PDHX: variants seen among roughly 807,000 people sequenced by gnomAD.
PDHX encodes pyruvate dehydrogenase complex component X.
PDHX carries 33 observed loss-of-function variants against 55.3 expected under a neutral mutation model. The ratio of observed to expected loss-of-function variants is 0.60; its 90% CI spans 0.45 to 0.80. The LOEUF is 0.80. PDHX is among the 30% of genes least tolerant of loss of function. The pLI is 0.00. For missense variants in PDHX, 622 were observed against 619.9 expected, an observed-to-expected ratio of 1.00 and a Z score of -0.04; for synonymous variants, 226 against 219.4, an observed-to-expected ratio of 1.03 and a Z score of -0.27.
At chr11:34,951,306 G>T (rs1427797437) in intron 3 of PDHX, among the ~76,000 whole-genome samples, 1 of 150,826 alleles carries the variant, frequency 6.6e-6, no homozygotes, top group African/African-American at 2.5e-5. Context: ...TGATCCACCC[G>T]CCTCGGCCTC....
At chr11:34,987,609 G>A (rs1315967640) in intron 9 of PDHX, among the ~76,000 whole-genome samples, 1 of 151,998 alleles carries the variant, frequency 6.6e-6, no homozygotes, top group Non-Finnish European at 1.5e-5. Context: ...TTAAATGTTG[G>A]ATTGTTTAAA....
At chr11:34,973,222 C>T (rs1049698237) in intron 7 of PDHX, among the ~76,000 whole-genome samples, 1 of 152,188 alleles carries the variant, frequency 6.6e-6, no homozygotes, top group Non-Finnish European at 1.5e-5. Flanking sequence ...CTCAAGCCTT[C>T]TTTATCACAT....
chr11:34,967,108 T>C (rs1855154410), intron 6 of PDHX, among the ~76,000 whole-genome samples: 1 of 152,102 alleles, frequency 6.6e-6, no homozygotes, highest in South Asian at 2.1e-4. Flanking sequence ...CGCCTTGGCC[T>C]CCCAAAGTGC....
At chr11:34,915,944 G>A (rs1241903880), upstream of PDHX, 2 of 531,864 alleles carry the variant, frequency 3.8e-6, no homozygotes, top group East Asian at 6.7e-5. Flanking sequence ...ACCCGGTGAG[G>A]TCACCTAAAC....
In PDHX at chr11:34,931,404, G is replaced by A. The variant is rs771011394; in HGVS notation, c.161G>A (p.Gly54Asp). Residue 54 changes from glycine to aspartate, a missense_variant and splice_region_variant, in exon 2 of 11, where the codon GGT becomes GAT. By Grantham distance (94) the Gly-to-Asp change is moderately conservative (BLOSUM62 -1). Transcript: ENST00000227868. ...RWFHSTQWLRGDPIKILMPSL... is the reference protein window; with the variant it reads ...RWFHSTQWLRDDPIKILMPSL... The stretch of plus-strand genomic sequence containing the variant: ...CATCTTTCCTTTTTTTCAATTTCAG[G>A]TGATCCCATTAAGATACTAATGCCA... The A allele has an allele frequency of 1.3e-6, 2 of 1,567,118 alleles. No homozygotes were observed. Among genetic ancestry groups the A allele is most frequent in the South Asian group, 2.2e-5 (2 of 89,656 alleles).
chr11:34,939,468 GGT>G (rs68165754), intron 2 of PDHX, among the ~76,000 whole-genome samples: 43,923 of 148,964 alleles, frequency 0.29, 7,706 homozygotes, highest in Non-Finnish European at 0.41. Context: ...TTTTACTAAT[GGT>G]GTGTGTGTGT....
chr11:34,918,963 C>A (rs1853809315), intron 1 of PDHX, among the ~76,000 whole-genome samples: 1 of 152,200 alleles, frequency 6.6e-6, no homozygotes, highest in African/African-American at 2.4e-5. Context: ...ACATTGGGCT[C>A]ATCTGGATGA....
At chr11:34,969,885 T>C (rs1855219882) in intron 6 of PDHX, among the ~76,000 whole-genome samples, 1 of 152,190 alleles carries the variant, frequency 6.6e-6, no homozygotes, top group South Asian at 2.1e-4. Flanking sequence ...TAACATAAGA[T>C]ATCCCATTCA....
chr11:34,981,304 TC>T (rs1855507795), intron 8 of PDHX, among the ~76,000 whole-genome samples: 1 of 152,140 alleles, frequency 6.6e-6, no homozygotes, highest in African/African-American at 2.4e-5. Context: ...TCCAGCTTCA[TC>T]CATGTCCCTA....
chr11:34,946,656 T>G (rs1565155720), intron 2 of PDHX, among the ~76,000 whole-genome samples: 1 of 152,192 alleles, frequency 6.6e-6, no homozygotes. Flanking sequence ...GAGGCAGTAT[T>G]CTGGTCCCCA....
At chr11:34,981,570 C>T (rs1476137063) in intron 8 of PDHX, among the ~76,000 whole-genome samples, 2 of 152,250 alleles carry the variant, frequency 1.3e-5, no homozygotes, top group East Asian at 1.9e-4. Flanking sequence ...CCTGAGGAAT[C>T]GCCACACTGA....
chr11:34,944,945 T>C (rs12275911), intron 2 of PDHX, among the ~76,000 whole-genome samples: 28,638 of 152,098 alleles, frequency 0.19, 3,879 homozygotes, highest in African/African-American at 0.39. Flanking sequence ...TGTGCATTTT[T>C]GTTTTTATCC....
rs1210959585 is a variant in PDHX, at chr11:34,942,843, T to G, written c.242-4663T>G. On this transcript the variant is annotated intron_variant, in intron 2 of 10. Coordinates refer to ENST00000227868, the MANE Select transcript of PDHX (RefSeq NM_003477.3). ...CTCCTTTTTTCCTTCTCTCTCCTCC[T>G]GCTTTTCTCTTCTACCCTCTCCCTT... 2.6e-5 allele frequency among the ~76,000 whole-genome samples: 4 copies of G among 152,210 alleles called. No individual in the cohort carries two copies. In the South Asian group the frequency reaches 8.3e-4, roughly 32 times the overall value.
intron 6 of PDHX, among the ~76,000 whole-genome samples, chr11:34,967,378 A>G (rs1855160833): frequency 6.6e-6 from 1 of 152,206 alleles, no homozygotes; most frequent in Non-Finnish European, 1.5e-5. Flanking sequence ...ATTCAATTTA[A>G]AGTTACCACA....
intron 2 of PDHX, among the ~76,000 whole-genome samples, chr11:34,943,680 C>CT (rs1478252211): frequency 2.0e-5 from 3 of 152,158 alleles, no homozygotes; most frequent in African/African-American, 7.2e-5. Flanking sequence ...CCTAATCTCT[C>CT]GTCACTTCTC....
At chr11:34,930,869 T>C (rs1854145503) in intron 1 of PDHX, among the ~76,000 whole-genome samples, 1 of 152,238 alleles carries the variant, frequency 6.6e-6, no homozygotes, top group Admixed American at 6.5e-5. Flanking sequence ...TCATACTTAT[T>C]AGTAGGAACC....
chr11:34,987,737 T>TGTGC (rs1214495541), intron 9 of PDHX, among the ~76,000 whole-genome samples: 7 of 151,438 alleles, frequency 4.6e-5, no homozygotes, highest in Non-Finnish European at 1.5e-5. Flanking sequence ...TGAGTGTGTG[T>TGTGC]GTGTGTGTGT....
chr11:34,960,241 T>G (rs1854994495), intron 4 of PDHX, among the ~76,000 whole-genome samples, 179 bp from the exon 5 acceptor site: 1 of 152,252 alleles, frequency 6.6e-6, no homozygotes, highest in Non-Finnish European at 1.5e-5. Context: ...ACGAAAGTGT[T>G]TAAAGAATAA....
chr11:34,963,092 T>C (rs965152795), intron 5 of PDHX, among the ~76,000 whole-genome samples: 2 of 152,144 alleles, frequency 1.3e-5, no homozygotes, highest in African/African-American at 2.4e-5. Flanking sequence ...TGAAAGCATA[T>C]ATTATTGAGG....
Sources: gnomAD v4.1 joint callset for allele counts (sites outside exome capture counted in the v4.1 genomes callset) on GRCh38, gnomAD v4.1.1 for gene constraint, MANE v1.5 for transcripts, NCBI Gene and HGNC (gene_info 2026-07-23, HGNC 2026-07-21) for gene names.